The following ARHGEF26 variants were observed in gnomAD, a reference collection of about 807,000 sequenced individuals.
ARHGEF26 encodes the protein Rho guanine nucleotide exchange factor (GEF) 26.
A neutral mutation model predicts 89.4 loss-of-function variants in ARHGEF26; 59 were observed. The ratio of observed to expected loss-of-function variants is 0.66; its 90% CI spans 0.54 to 0.82. The LOEUF (loss-of-function observed/expected upper bound fraction) is 0.82. ARHGEF26 is among the 40% of genes least tolerant of loss of function. The probability of loss-of-function intolerance (pLI) is 0.00; values close to 1 mark genes in which losing one functional copy is unlikely to be tolerated. For missense variants in ARHGEF26, 1,234 were observed against 1,085.6 expected (o/e 1.14, Z -1.92); for synonymous variants, 500 against 428.4 (o/e 1.17, Z -2.06).
At position 154,191,343 on chromosome 3, in the gene ARHGEF26, C is replaced by T; in HGVS notation, c.1695C>T (p.Asp565=). 1 of 1,613,686 alleles carries T rather than the reference C, an allele frequency of 6.2e-7. No individual in the cohort carries two copies. Among genetic ancestry groups the T allele is most frequent in the Non-Finnish European group, 8.5e-7 (1 of 1,179,766 alleles). The change falls in exon 8 of 15, where the codon GAC becomes GAT. Residue 565 remains aspartate (D), a synonymous_variant. Transcript: ENST00000465093. ...TGTCAAGGATTGAGTCCCATGAAGACTGTAGGAACTTACCCATGATCTCTT... is the reference window on the plus strand; with the variant it reads ...TGTCAAGGATTGAGTCCCATGAAGATTGTAGGAACTTACCCATGATCTCTT... ...EVLSRIESHE[D]CRNLPMISFL... is the part of the protein sequence containing the mutation.
chr3:154,257,505 G>C lies in ARHGEF26; in HGVS notation c.*2032G>C, dbSNP rs1718597079. The C allele has an allele frequency of 6.6e-6, 1 of 152,162 alleles. No homozygotes were observed. Among genetic ancestry groups the C allele is most frequent in the Admixed American group, 6.5e-5 (1 of 15,280 alleles). The allele number at this position is 152,162 out of a possible 1,614,324, so 9.4% of individuals were successfully genotyped here. On this transcript the variant is annotated 3_prime_UTR_variant, in exon 15 of 15. Transcript: ENST00000465093. ...AGTTGAAGCTAAAAAGCAACTATTT[G>C]AATCCTGTGAATTAATTTATAAGAA...
rs75614198 is a variant in ARHGEF26, at chr3:154,136,007, C to T, written c.1269+6288C>T. ...GACCTGATTTATTTGCCATGGGGTG[C>T]GTTTGTGTAATTTCCATCACCTTGA... On this transcript the variant is annotated intron_variant, in intron 4 of 14. Coordinates refer to ENST00000465093, the MANE Select transcript of ARHGEF26 (RefSeq NM_015595.4). 4.3e-3 allele frequency among the ~76,000 whole-genome samples: 652 copies of T among 152,166 alleles called. 9 individuals carry two copies. The highest frequency in any genetic ancestry group is 4.3e-3 in the Non-Finnish European group (290 of 68,016).
chr3:154,132,082 A>C (rs1718712033), intron 4 of ARHGEF26, among the ~76,000 whole-genome samples: 1 of 152,182 alleles, frequency 6.6e-6, no homozygotes, highest in Non-Finnish European at 1.5e-5. Flanking sequence ...AATTAAATTT[A>C]ATGAAAGCAG....
intron 4 of ARHGEF26, among the ~76,000 whole-genome samples, chr3:154,136,092 A>C (rs1718986002): frequency 6.6e-6 from 1 of 152,148 alleles, no homozygotes. Flanking sequence ...GTCATCCTCT[A>C]CTGCACTCTT....
chr3:154,138,704 C>T (rs1361766950), intron 4 of ARHGEF26, among the ~76,000 whole-genome samples: 1 of 152,182 alleles, frequency 6.6e-6, no homozygotes, highest in Admixed American at 6.5e-5. Flanking sequence ...TACAAACCTA[C>T]AACAGGGTCC....
At chr3:154,136,561 G>C (rs1197658418) in intron 4 of ARHGEF26, among the ~76,000 whole-genome samples, 2 of 152,186 alleles carry the variant, frequency 1.3e-5, no homozygotes. Flanking sequence ...TTAGTAGTTT[G>C]AGGTGATGGG....
At chr3:154,194,195 A>G (rs1714141366) in intron 8 of ARHGEF26, among the ~76,000 whole-genome samples, 1 of 152,242 alleles carries the variant, frequency 6.6e-6, no homozygotes, top group Non-Finnish European at 1.5e-5. Flanking sequence ...TATAATGGTG[A>G]TAATTAAAGT....
chr3:154,201,884 A>T (rs1714666452), intron 9 of ARHGEF26, among the ~76,000 whole-genome samples: 1 of 151,362 alleles, frequency 6.6e-6, no homozygotes, highest in African/African-American at 2.4e-5. Context: ...GTTTGAGTTC[A>T]TTGTAGATTC....
intron 9 of ARHGEF26, among the ~76,000 whole-genome samples, chr3:154,204,109 G>A (rs1034647400): frequency 6.6e-6 from 1 of 151,996 alleles, no homozygotes; most frequent in African/African-American, 2.4e-5. Context: ...ATTCAGCAGT[G>A]AGGCCATTGA....
intron 10 of ARHGEF26, among the ~76,000 whole-genome samples, chr3:154,221,571 C>A (rs1716133560): frequency 6.6e-6 from 1 of 152,026 alleles, no homozygotes; most frequent in Non-Finnish European, 1.5e-5. Context: ...GGAAAAACAT[C>A]TAAATATCTA....
At chr3:154,222,749 A>G (rs1007832287) in intron 10 of ARHGEF26, among the ~76,000 whole-genome samples, 1 of 152,152 alleles carries the variant, frequency 6.6e-6, no homozygotes, top group Non-Finnish European at 1.5e-5. Context: ...GGCAGTGATG[A>G]TAACTAGAGG....
At position 154,122,625 on chromosome 3, in the gene ARHGEF26, G is replaced by C; in HGVS notation, c.633G>C (p.Ser211=). ...TTCCTGGGCCCCAGAAAAGTTCTTCGGAACAAAAACTCCCCCTCCAAAGGC... is the reference window on the plus strand; with the variant it reads ...TTCCTGGGCCCCAGAAAAGTTCTTCCGAACAAAAACTCCCCCTCCAAAGGC... ...GLFPGPQKSS[S]EQKLPLQRLP... Residue 211 remains serine (S), a synonymous_variant, in exon 2 of 15, where the codon TCG becomes TCC. Coordinates refer to ENST00000465093, the MANE Select transcript of ARHGEF26 (RefSeq NM_015595.4). 1 of 1,613,786 alleles carries C rather than the reference G, an allele frequency of 6.2e-7. No homozygotes were observed. The highest frequency in any genetic ancestry group is 1.1e-5 in the South Asian group (1 of 91,086).
At chr3:154,164,568 T>A (rs1576723491) in intron 6 of ARHGEF26, among the ~76,000 whole-genome samples, 1 of 152,248 alleles carries the variant, frequency 6.6e-6, no homozygotes, top group East Asian at 1.9e-4. Flanking sequence ...AAGATTGACC[T>A]TGTCACTTGT....
chr3:154,220,311 C>T (rs535208315), intron 10 of ARHGEF26, among the ~76,000 whole-genome samples: 1 of 152,272 alleles, frequency 6.6e-6, no homozygotes, highest in African/African-American at 2.4e-5. Context: ...TAGTAGAAGA[C>T]TGCTGAAAAT....
chr3:154,251,875 C>T (rs186471304), intron 12 of ARHGEF26, among the ~76,000 whole-genome samples: 4 of 152,256 alleles, frequency 2.6e-5, no homozygotes, highest in East Asian at 3.9e-4. Flanking sequence ...AAATGCCTGG[C>T]GCATCTGTGT....
At chr3:154,144,973 T>A (rs1051780585) in intron 4 of ARHGEF26, among the ~76,000 whole-genome samples, 1 of 152,210 alleles carries the variant, frequency 6.6e-6, no homozygotes, top group African/African-American at 2.4e-5. Context: ...TCTCTCTCTG[T>A]TTACCCACCA....
chr3:154,194,943 T>C lies in ARHGEF26; in HGVS notation c.1845+225T>C, dbSNP rs560377615. Among the ~76,000 whole-genome samples, 3 of 152,356 alleles carry C rather than the reference T, an allele frequency of 2.0e-5. No homozygotes were observed. The East Asian group carries it at 5.8e-4, about 29-fold the overall frequency. On this transcript the variant is annotated intron_variant, in intron 9 of 14. Coordinates refer to ENST00000465093, the MANE Select transcript of ARHGEF26 (RefSeq NM_015595.4). ...TTTAAGAGCCTACAGATACCTCATT[T>C]TCTTTTGGTGGCTGAATAGCTGTTT...
intron 11 of ARHGEF26, among the ~76,000 whole-genome samples, chr3:154,233,031 C>G (rs1472405863): frequency 2.0e-5 from 3 of 151,698 alleles, no homozygotes; most frequent in Non-Finnish European, 2.9e-5. Flanking sequence ...CGGGGTTTTA[C>G]CATGTTAGCC....
chr3:154,244,187 T>G (rs1430083980), intron 12 of ARHGEF26, among the ~76,000 whole-genome samples: 1 of 152,162 alleles, frequency 6.6e-6, no homozygotes, highest in East Asian at 1.9e-4. Flanking sequence ...ATAATGAATT[T>G]TACACCTAAA....
Sources: allele counts gnomAD v4.1 joint callset (sites outside exome capture counted in the v4.1 genomes callset), GRCh38; gene constraint gnomAD v4.1.1; transcripts MANE v1.5; gene names NCBI Gene and HGNC (gene_info 2026-07-23, HGNC 2026-07-21).